Variants in L3MBTL2 observed in about 807,000 individuals in gnomAD.
The protein encoded by L3MBTL2 is lethal(3)malignant brain tumor-like protein 2.
In L3MBTL2, 49 loss-of-function variants were observed where a neutral mutation model predicts 86.4. The observed-to-expected ratio is 0.57, with a 90% confidence interval of 0.45 to 0.72. The LOEUF (loss-of-function observed/expected upper bound fraction) is 0.72, where lower values mean the gene tolerates loss of function less well. Among genes scored for constraint, L3MBTL2 ranks in the 30% least tolerant of loss-of-function variants. The probability of loss-of-function intolerance (pLI) is 0.00; values close to 1 mark genes in which losing one functional copy is unlikely to be tolerated. For missense variants in L3MBTL2, 755 were observed against 923.7 expected (o/e 0.82, Z 2.37); for synonymous variants, 336 against 350.6 (o/e 0.96, Z 0.47).
At chr22:41,211,281 G>C (rs1322687101) in intron 2 of L3MBTL2, among the ~76,000 whole-genome samples, 1 of 151,852 alleles carries the variant, frequency 6.6e-6, no homozygotes, top group East Asian at 1.9e-4. Context: ...GCTCACTGCA[G>C]CCTCGACCTC....
rs2032135768 is a variant in L3MBTL2 at position 41,225,717 on chromosome 22, TATTGGGGTGCGGTACCA to T, written c.1357-75_1357-59del. On this transcript the variant is annotated intron_variant, in intron 11 of 16. Transcript: ENST00000216237. This position sits in a 1 kb window ranked among gnomAD's most constrained non-coding sequence, Gnocchi z 4.1. ...TTTGGATCCATTTGCCTCGTGTCCC[TATTGGGGTGCGGTACCA>T]ACCCAGGATGGGGTGCAGTTCATGA... 4.0e-6 allele frequency: 6 copies of T among 1,496,728 alleles called. No individual in the cohort carries two copies. The South Asian group carries it at 7.6e-5, about 19-fold the overall frequency. The allele number at this position is 1,496,728 out of a possible 1,614,324, so 92.7% of individuals were successfully genotyped here.
Position 41,224,149 on chromosome 22 carries a change from G to A in L3MBTL2, c.1072G>A (p.Glu358Lys), listed in dbSNP as rs1464006642. Residue 358 changes from glutamate to lysine, a missense_variant, in exon 9 of 17, where the codon GAG becomes AAG. Around this residue, in one of 3 missense-constraint regions of L3MBTL2, gnomAD observed 634 missense variants for 748.9 expected, o/e 0.85. Coordinates refer to ENST00000216237, the MANE Select transcript of L3MBTL2 (RefSeq NM_031488.5). The surrounding 1 kb of genome is among the most constrained non-coding windows in gnomAD (Gnocchi z 4.9). ...CGGGGGTCGCCTACGGCTCCTCTAC[G>A]AGGATGGTGACAGTGACGACGACTT... ...VIGGRLRLLY[E>K]DGDSDDDFWC... 6.2e-6 allele frequency: 10 copies of A among 1,614,012 alleles called. No homozygotes were observed. Among genetic ancestry groups the A allele is most frequent in the Non-Finnish European group, 7.6e-6 (9 of 1,180,050 alleles).
chr22:41,227,628 G>C lies in L3MBTL2; in HGVS notation c.1823-176G>C. The C allele has an allele frequency of 6.5e-7, 1 of 1,548,520 alleles. No homozygotes were observed. The highest frequency in any genetic ancestry group is 8.7e-7 in the Non-Finnish European group (1 of 1,145,620). ...CCTGGTAACAAGGGTGGGAAGAAGGGACAGCTGTTCTCCGGCCCCTCCTCC... is the reference window on the plus strand; with the variant it reads ...CCTGGTAACAAGGGTGGGAAGAAGGCACAGCTGTTCTCCGGCCCCTCCTCC... On this transcript the variant is annotated intron_variant, in intron 14 of 16. Coordinates refer to ENST00000216237, the MANE Select transcript of L3MBTL2 (RefSeq NM_031488.5). The surrounding 1 kb of genome is among the most constrained non-coding windows in gnomAD (Gnocchi z 6.0).
At position 41,225,459 on chromosome 22, in the gene L3MBTL2, CT is replaced by C. The variant is rs534032444; in HGVS notation, c.1357-334del. Among the ~76,000 whole-genome samples, 270 of 152,354 alleles carry C rather than the reference CT, an allele frequency of 1.8e-3. No individual in the cohort carries two copies. Among genetic ancestry groups the C allele is most frequent in the Non-Finnish European group, 3.4e-3 (229 of 68,032 alleles). On this transcript the variant is annotated intron_variant, in intron 11 of 16. Transcript: ENST00000216237. This position sits in a 1 kb window ranked among gnomAD's most constrained non-coding sequence, Gnocchi z 4.1. ...CTCCTCCTGAGCAGCACCCCCACCC[CT>C]CCTTGGCCCTCCTGGAGGAGGCTGC...
rs1183779963 is a variant in L3MBTL2 at position 41,224,267 on chromosome 22, G to C, written c.1174+16G>C. 2 of 1,592,250 alleles carry C rather than the reference G, an allele frequency of 1.3e-6. No homozygotes were observed. Among genetic ancestry groups the C allele is most frequent in the African/African-American group, 2.7e-5 (2 of 74,468 alleles). ...AAGATGTCAGGTTAGCAGAGCCCCA[G>C]GCCAGAGGGACTGCATGCTGTGCTT... On this transcript the variant is annotated intron_variant, in intron 9 of 16. Transcript: ENST00000216237. This position sits in a 1 kb window ranked among gnomAD's most constrained non-coding sequence, Gnocchi z 4.9.
In L3MBTL2 at chr22:41,209,827, T is replaced by C; in HGVS notation, c.156T>C (p.Ser52=). ...GCAGCTCCTATCTGGAGGAGTCAAG[T>C]GAAGCAGAAAATGAGGATCGGGAAG... The part of the protein sequence containing the change: ...SESSSYLEES[S]EAENEDREAG... The change falls in exon 2 of 17, where the codon AGT becomes AGC. Residue 52 remains serine, a synonymous_variant. Transcript: ENST00000216237. 6.2e-7 allele frequency: 1 copy of C among 1,614,176 alleles called. No individual in the cohort carries two copies. Among genetic ancestry groups the C allele is most frequent in the Non-Finnish European group, 8.5e-7 (1 of 1,180,028 alleles).
chr22:41,210,511 A>G (rs2030665377), intron 2 of L3MBTL2, among the ~76,000 whole-genome samples: 1 of 152,138 alleles, frequency 6.6e-6, no homozygotes. Context: ...TTGTATTTTT[A>G]GGAGAGACAG....
At position 41,219,641 on chromosome 22, in the gene L3MBTL2, C is replaced by T. The variant is rs2031668316; in HGVS notation, c.718+105C>T. The T allele has an allele frequency of 1.5e-5, 11 of 713,270 alleles. No individual in the cohort carries two copies. The East Asian group carries it at 3.0e-4, about 20-fold the overall frequency. The allele number at this position is 713,270 out of a possible 1,614,324, so 44.2% of individuals were successfully genotyped here. A position where few individuals can be genotyped will look rare whatever the true frequency, so the allele number is the denominator to read the frequency against. On this transcript the variant is annotated intron_variant, in intron 6 of 16. Transcript: ENST00000216237. ...GAGTTGGCTTCATAAAACAAAAATC[C>T]CACCCACTGGAATTTTTGCCCCACT...
In L3MBTL2 at chr22:41,205,331, C is replaced by A; in HGVS notation, c.-32C>A. The A allele has an allele frequency of 6.2e-7, 1 of 1,614,080 alleles. No homozygotes were observed. The highest frequency in any genetic ancestry group is 8.5e-7 in the Non-Finnish European group (1 of 1,179,954). ...CGGGGCAGGCCAATATGGCTTCCTG[C>A]ACCTGGTGACGCTTGGCGAAACTGA... is the stretch of plus-strand genomic sequence containing the variant. On this transcript the variant is annotated 5_prime_UTR_variant, in exon 1 of 17. It introduces an in-frame stop codon into an upstream open reading frame of the 5' UTR. Coordinates refer to ENST00000216237, the MANE Select transcript of L3MBTL2 (RefSeq NM_031488.5).
At chr22:41,216,284 C>G in intron 4 of L3MBTL2, 22 bp downstream of exon 4, 1 of 1,604,562 alleles carries the variant, frequency 6.2e-7, no homozygotes, top group Non-Finnish European at 8.5e-7. Context: ...GAGGGCCCTG[C>G]TTAGGAAGCT....
At chr22:41,210,618 C>T (rs1054206245) in intron 2 of L3MBTL2, among the ~76,000 whole-genome samples, 1 of 152,040 alleles carries the variant, frequency 6.6e-6, no homozygotes, top group Non-Finnish European at 1.5e-5. Context: ...CGTGTGCCAC[C>T]GCGCCAGCCT....
rs142256697 is a variant in L3MBTL2 at position 41,227,320 on chromosome 22, G to T, written c.1819G>T (p.Ala607Ser). 2.4e-4 allele frequency: 377 copies of T among 1,594,280 alleles called. No homozygotes were observed. In the African/African-American group the frequency reaches 4.5e-3, roughly 19 times the overall value. The change falls in exon 14 of 17, where the codon GCA becomes TCA. Residue 607 changes from alanine to serine, a missense_variant. Coordinates refer to ENST00000216237, the MANE Select transcript of L3MBTL2 (RefSeq NM_031488.5). The surrounding 1 kb of genome is among the most constrained non-coding windows in gnomAD (Gnocchi z 6.0). ...TGYQLQPPVA[A>S]EPATPLKAKE... is the part of the protein sequence containing the mutation. ...CTACCAGCTCCAGCCTCCTGTGGCCGCAGGTGTGGGCTCTCGTGGCCCTAA... is the reference window on the plus strand; with the variant it reads ...CTACCAGCTCCAGCCTCCTGTGGCCTCAGGTGTGGGCTCTCGTGGCCCTAA...
intron 5 of L3MBTL2, 120 bp from the exon 6 acceptor site, chr22:41,219,299 A>G: frequency 1.4e-6 from 1 of 731,682 alleles, no homozygotes; most frequent in Non-Finnish European, 2.5e-6. Context: ...GGTTCTGCAC[A>G]CAGTGGGTGA....
At position 41,224,617 on chromosome 22, in the gene L3MBTL2, G is replaced by C. The variant is rs985667102; in HGVS notation, c.1175-108G>C. The C allele has an allele frequency of 3.8e-6, 3 of 797,988 alleles. No individual in the cohort carries two copies. The highest frequency in any genetic ancestry group is 6.5e-6 in the Non-Finnish European group (3 of 461,366). 49.4% of individuals were successfully genotyped at this position (797,988 alleles called of 1,614,324 possible). A position where few individuals can be genotyped will look rare whatever the true frequency, so the allele number is the denominator to read the frequency against. On this transcript the variant is annotated intron_variant, in intron 9 of 16. Coordinates refer to ENST00000216237, the MANE Select transcript of L3MBTL2 (RefSeq NM_031488.5). The surrounding 1 kb of genome is among the most constrained non-coding windows in gnomAD (Gnocchi z 4.9). ...TCCTGAGATACAGAGATACAGCTGA[G>C]AACACGTGCAGAGCAGCCCCACATT...
rs200427605 is a variant in L3MBTL2, at chr22:41,224,806, G to C, written c.1251+5G>C. ...GTTCCTTACCTCTTCAAGAAGGTGA[G>C]GTTCAGCTCTTGGGCGCTTTTCCCC... On this transcript the variant is annotated splice_donor_5th_base_variant and intron_variant, in intron 10 of 16. Coordinates refer to ENST00000216237, the MANE Select transcript of L3MBTL2 (RefSeq NM_031488.5). The surrounding 1 kb of genome is among the most constrained non-coding windows in gnomAD (Gnocchi z 4.9). 1.0e-4 allele frequency: 161 copies of C among 1,612,598 alleles called. No homozygotes were observed. Among genetic ancestry groups the C allele is most frequent in the Non-Finnish European group, 1.3e-4 (157 of 1,178,738 alleles).
At chr22:41,217,612 A>G (rs2031488998) in intron 5 of L3MBTL2, 1 of 190,414 alleles carries the variant, frequency 5.3e-6, no homozygotes, top group Non-Finnish European at 1.1e-5. Context: ...CTTCTGTAAA[A>G]GGCTCCTCGA....
At chr22:41,215,637 C>T (rs1217984442) in intron 3 of L3MBTL2, among the ~76,000 whole-genome samples, 1 of 152,014 alleles carries the variant, frequency 6.6e-6, no homozygotes, top group Non-Finnish European at 1.5e-5. Flanking sequence ...CCCAAACATT[C>T]GCCTATGTGG....
Position 41,226,876 on chromosome 22 carries a change from A to T in L3MBTL2, c.1587+132A>T, listed in dbSNP as rs528227990. 1.2e-5 allele frequency: 9 copies of T among 775,950 alleles called. No homozygotes were observed. In the East Asian group the frequency reaches 2.4e-4, roughly 21 times the overall value. 48.1% of individuals were successfully genotyped at this position (775,950 alleles called of 1,614,324 possible). A position where few individuals can be genotyped will look rare whatever the true frequency, so the allele number is the denominator to read the frequency against. ...CTGACATCAGCCACTTTCAGGGGGA[A>T]GTCCCCAGCTATGGCCTGGGCACTC... On this transcript the variant is annotated intron_variant, in intron 13 of 16. Transcript: ENST00000216237.
chr22:41,216,286 T>G (rs781278136), intron 4 of L3MBTL2, 24 bp downstream of exon 4: 2 of 1,604,118 alleles, frequency 1.2e-6, no homozygotes, highest in Non-Finnish European at 1.7e-6. Context: ...GGGCCCTGCT[T>G]AGGAAGCTGC....
Sources: allele counts gnomAD v4.1 joint callset (sites outside exome capture counted in the v4.1 genomes callset), GRCh38; gene constraint gnomAD v4.1.1; regional missense constraint gnomAD v4.1.1; non-coding constraint Gnocchi (gnomAD v3.1); transcripts MANE v1.5; gene names NCBI Gene and HGNC (gene_info 2026-07-23, HGNC 2026-07-21).